SEMA6D: variants seen among roughly 807,000 people sequenced by gnomAD.
SEMA6D encodes semaphorin-6D.
SEMA6D carries 35 observed loss-of-function variants against 106.6 expected under a neutral mutation model. That is an observed-to-expected ratio of 0.33 (90% confidence interval 0.25 to 0.44). SEMA6D has a LOEUF of 0.44. Ranked by LOEUF, SEMA6D falls within the 20% of genes least tolerant of loss-of-function variation. The pLI is 1.00. For missense variants in SEMA6D, 1,185 were observed against 1,345.9 expected (o/e 0.88, Z 1.87); for synonymous variants, 499 against 487.7 (o/e 1.02, Z -0.31).
chr15:47,669,576 T>C (rs1209123408), intron 4 of SEMA6D, among the ~76,000 whole-genome samples: 4 of 152,204 alleles, frequency 2.6e-5, no homozygotes, highest in Non-Finnish European at 5.9e-5. Context: ...ATGGCTACTA[T>C]TCAAAACTCT....
intron 1 of SEMA6D, among the ~76,000 whole-genome samples, chr15:47,187,183 T>C (rs561075663): frequency 6.6e-6 from 1 of 152,312 alleles, no homozygotes; most frequent in African/African-American, 2.4e-5. Flanking sequence ...TTTTCTGTAT[T>C]TGGAAAATAA....
At chr15:47,489,024 G>GA (rs2043382878) in intron 3 of SEMA6D, among the ~76,000 whole-genome samples, 1 of 152,122 alleles carries the variant, frequency 6.6e-6, no homozygotes, top group Non-Finnish European at 1.5e-5. Context: ...TATTTGGGGG[G>GA]AAAAACAAGG....
At chr15:47,368,035 TAGA>T (rs1167757316) in intron 1 of SEMA6D, among the ~76,000 whole-genome samples, 2 of 152,102 alleles carry the variant, frequency 1.3e-5, no homozygotes, top group East Asian at 1.9e-4. Flanking sequence ...CATAAAATAG[TAGA>T]AGAACAAGCC....
At chr15:47,649,567 A>G (rs1235299290) in intron 4 of SEMA6D, among the ~76,000 whole-genome samples, 1 of 152,226 alleles carries the variant, frequency 6.6e-6, no homozygotes, top group African/African-American at 2.4e-5. Flanking sequence ...GCTTGAGCCC[A>G]GGAGTTCAAG....
chr15:47,406,979 A>C (rs2040594960), intron 1 of SEMA6D, among the ~76,000 whole-genome samples: 1 of 152,228 alleles, frequency 6.6e-6, no homozygotes, highest in Non-Finnish European at 1.5e-5. Flanking sequence ...ACAACAACAA[A>C]AACAGAAAAA....
intron 1 of SEMA6D, among the ~76,000 whole-genome samples, chr15:47,262,094 A>G (rs1417883501): frequency 1.3e-5 from 2 of 152,146 alleles, no homozygotes; most frequent in African/African-American, 4.8e-5. Flanking sequence ...TTGCCACAAA[A>G]AGAATGAAAT....
At chr15:47,669,060 C>G (rs564823578) in intron 4 of SEMA6D, among the ~76,000 whole-genome samples, 2 of 152,168 alleles carry the variant, frequency 1.3e-5, no homozygotes, top group South Asian at 4.1e-4. Context: ...CTCTATTTTT[C>G]TATCTCTCTT....
intron 3 of SEMA6D, among the ~76,000 whole-genome samples, chr15:47,472,440 C>A (rs1414751804): frequency 1.3e-5 from 2 of 152,108 alleles, no homozygotes; most frequent in Admixed American, 6.5e-5. Context: ...TTATTTTTCT[C>A]TCAAACAGAA....
intron 2 of SEMA6D, among the ~76,000 whole-genome samples, chr15:47,440,550 T>G (rs1476878335): frequency 6.6e-6 from 1 of 151,836 alleles, no homozygotes; most frequent in Non-Finnish European, 1.5e-5. Context: ...CAGCTAAACT[T>G]CAGAAGAGAA....
intron 3 of SEMA6D, among the ~76,000 whole-genome samples, chr15:47,595,660 T>C (rs1034447492): frequency 2.0e-5 from 3 of 152,172 alleles, no homozygotes; most frequent in African/African-American, 7.2e-5. Context: ...GAAAAATTGG[T>C]ATTAGTTCTT....
At chr15:47,691,491 A>G (rs760639676) in intron 4 of SEMA6D, among the ~76,000 whole-genome samples, 2 of 152,188 alleles carry the variant, frequency 1.3e-5, no homozygotes, top group Non-Finnish European at 1.5e-5. Context: ...AGATTGTCCA[A>G]GGTTTGAATC....
At chr15:47,524,590 T>G (rs2044692296) in intron 3 of SEMA6D, among the ~76,000 whole-genome samples, 2 of 152,218 alleles carry the variant, frequency 1.3e-5, no homozygotes, top group Non-Finnish European at 2.9e-5. Flanking sequence ...TAATTATAAA[T>G]GACTTAATAC....
intron 1 of SEMA6D, among the ~76,000 whole-genome samples, chr15:47,402,329 C>T (rs1479476982): frequency 1.3e-5 from 2 of 151,982 alleles, no homozygotes; most frequent in Non-Finnish European, 2.9e-5. Context: ...TATAGTGTAC[C>T]TTGTAGTTGT....
chr15:47,409,995 A>T (rs1029186047), intron 1 of SEMA6D, among the ~76,000 whole-genome samples: 10 of 150,762 alleles, frequency 6.6e-5, no homozygotes, highest in African/African-American at 1.9e-4. Context: ...TATTTAAGAA[A>T]TTTTTTTTTT....
intron 1 of SEMA6D, among the ~76,000 whole-genome samples, chr15:47,734,492 G>A (rs917980771): frequency 2.0e-5 from 3 of 152,082 alleles, no homozygotes; most frequent in Admixed American, 6.6e-5. Context: ...TGCAAATCAC[G>A]TAGCTGATCC....
chr15:47,711,710 A>G (rs1458761393), intron 4 of SEMA6D, among the ~76,000 whole-genome samples: 3 of 152,228 alleles, frequency 2.0e-5, no homozygotes, highest in Non-Finnish European at 4.4e-5. Flanking sequence ...TAACTTCAAT[A>G]TATTCAATGT....
rs992392437 is a variant in SEMA6D, at chr15:47,771,898, G to A, written c.*113G>A. On this transcript the variant is annotated 3_prime_UTR_variant, in exon 19 of 19. Coordinates refer to ENST00000536845, the MANE Select transcript of SEMA6D (RefSeq NM_001358351.3). ...CGCTTGTATTTTAAGAGAACCAAGT[G>A]GCCAAAGAAACTCTTTCTAACTTTG... is the stretch of plus-strand genomic sequence containing the variant. 21 of 1,164,434 alleles carry A rather than the reference G, an allele frequency of 1.8e-5. No homozygotes were observed. The highest frequency in any genetic ancestry group is 2.4e-5 in the Non-Finnish European group (20 of 820,754). The allele number at this position is 1,164,434 out of a possible 1,614,324, so 72.1% of individuals were successfully genotyped here. A position where few individuals can be genotyped will look rare whatever the true frequency, so the allele number is the denominator to read the frequency against.
intron 1 of SEMA6D, among the ~76,000 whole-genome samples, chr15:47,349,393 A>G (rs963764885): frequency 8.5e-5 from 13 of 152,280 alleles, no homozygotes; most frequent in African/African-American, 2.9e-4. Context: ...TCTACAGGGC[A>G]TGTTGGTGCA....
At chr15:47,221,848 G>T (rs2031235355) in intron 1 of SEMA6D, among the ~76,000 whole-genome samples, 1 of 152,134 alleles carries the variant, frequency 6.6e-6, no homozygotes, top group Non-Finnish European at 1.5e-5. Flanking sequence ...TCCTATACTA[G>T]AAATTTGTCT....
Sources: gnomAD v4.1 joint callset for allele counts (sites outside exome capture counted in the v4.1 genomes callset) on GRCh38, gnomAD v4.1.1 for gene constraint, MANE v1.5 for transcripts, NCBI Gene and HGNC (gene_info 2026-07-23, HGNC 2026-07-21) for gene names.